CDK17: variants seen among roughly 807,000 people sequenced by gnomAD.
The protein encoded by CDK17 is cyclin-dependent kinase 17.
Under a neutral mutation model 77.6 loss-of-function variants are expected in CDK17, and 24 were observed. The ratio of observed to expected loss-of-function variants is 0.31; its 90% CI spans 0.22 to 0.44. CDK17 has a LOEUF of 0.44. CDK17 is among the 20% of genes least tolerant of loss of function. The pLI, the probability that CDK17 is intolerant of heterozygous loss-of-function variation, is 1.00. For synonymous variants in CDK17, 203 were observed against 210.4 expected, an observed-to-expected ratio of 0.96 and a Z score of 0.30; for missense variants, 429 against 622.5, an observed-to-expected ratio of 0.69 and a Z score of 3.31.
chr12:96,383,990 A>C (rs959765809), intron 1 of CDK17, among the ~76,000 whole-genome samples: 3 of 152,196 alleles, frequency 2.0e-5, no homozygotes, highest in Non-Finnish European at 4.4e-5. Context: ...GAATGGGAGA[A>C]AAGATTTGCA....
chr12:96,328,929 C>A (rs1289278318), intron 2 of CDK17, among the ~76,000 whole-genome samples: 3 of 152,182 alleles, frequency 2.0e-5, no homozygotes, highest in Non-Finnish European at 4.4e-5. Context: ...AATATTCTAA[C>A]ACTTCCAGAA....
At chr12:96,316,752 T>C (rs1462956570) in intron 3 of CDK17, among the ~76,000 whole-genome samples, 8 of 127,048 alleles carry the variant, frequency 6.3e-5, no homozygotes, top group African/African-American at 1.2e-4. Context: ...GGGTCCTGTC[T>C]GTTAGAAGGA....
intron 7 of CDK17, among the ~76,000 whole-genome samples, chr12:96,297,928 A>AT (rs1294074928): frequency 3.3e-5 from 5 of 150,588 alleles, no homozygotes; most frequent in African/African-American, 1.2e-4. Context: ...CAACAATGCT[A>AT]TTTAAAAAAA....
rs572708517 is a variant in CDK17, at chr12:96,337,777, A to G, written c.-29-2912T>C. 1.9e-3 allele frequency among the ~76,000 whole-genome samples: 288 copies of G among 152,250 alleles called. 3 individuals carry two copies. The highest frequency in any genetic ancestry group is 6.8e-3 in the Middle Eastern group (2 of 292). ...CTACCCTTTGTTTCTGTAAGACTTTACACTACTTTACACTAGAGACATCTT... is the reference window on the plus strand; with the variant it reads ...CTACCCTTTGTTTCTGTAAGACTTTGCACTACTTTACACTAGAGACATCTT... On this transcript the variant is annotated intron_variant, in intron 1 of 16. Transcript: ENST00000261211.
At chr12:96,284,833 G>A (rs907781393) in intron 13 of CDK17, among the ~76,000 whole-genome samples, 1 of 152,108 alleles carries the variant, frequency 6.6e-6, no homozygotes, top group Non-Finnish European at 1.5e-5. Flanking sequence ...CTAAAGTGCT[G>A]GGATTACAGG....
intron 3 of CDK17, among the ~76,000 whole-genome samples, chr12:96,316,294 C>T (rs1210577526): frequency 2.0e-5 from 3 of 152,040 alleles, no homozygotes; most frequent in Non-Finnish European, 4.4e-5. Flanking sequence ...ACACCTGGCT[C>T]GGAGGGTCCT....
chr12:96,290,026 A>C (rs1167623955), intron 10 of CDK17, among the ~76,000 whole-genome samples: 3 of 147,216 alleles, frequency 2.0e-5, no homozygotes, highest in Non-Finnish European at 4.5e-5. Context: ...CATGACCTTT[A>C]AAAAAAAAAA....
At chr12:96,342,753 T>G (rs1049017603) in intron 1 of CDK17, among the ~76,000 whole-genome samples, 4 of 151,984 alleles carry the variant, frequency 2.6e-5, no homozygotes, top group South Asian at 2.1e-4. Context: ...TCACCTGAGG[T>G]TGGGAGTTCA....
At chr12:96,300,264 A>C in intron 6 of CDK17, 40 bp downstream of exon 6, 1 of 1,370,640 alleles carries the variant, frequency 7.3e-7, no homozygotes, top group African/African-American at 1.5e-5. Context: ...ATGACGAATA[A>C]GAAAAAAATG....
At chr12:96,384,024 A>G (rs2137232707) in intron 1 of CDK17, among the ~76,000 whole-genome samples, 1 of 152,258 alleles carries the variant, frequency 6.6e-6, no homozygotes, top group Admixed American at 6.5e-5. Flanking sequence ...ACAAAGGACT[A>G]ATATTCAGAA....
chr12:96,370,376 G>C (rs1158716690), intron 1 of CDK17, among the ~76,000 whole-genome samples: 4 of 152,142 alleles, frequency 2.6e-5, no homozygotes, highest in Non-Finnish European at 2.9e-5. Flanking sequence ...TCCAATCAAA[G>C]CCTATGGCTC....
chr12:96,303,053 T>G (rs1027093656), intron 5 of CDK17: 7 of 152,200 alleles, frequency 4.6e-5, no homozygotes, highest in Non-Finnish European at 2.9e-5. Context: ...AATCTTTAAA[T>G]AAAATTTTTA....
chr12:96,291,585 C>A lies in CDK17; in HGVS notation c.998-2298G>T, dbSNP rs554486196. Among the ~76,000 whole-genome samples the A allele has an allele frequency of 6.6e-5, 10 of 152,000 alleles. No homozygotes were observed. The South Asian group carries it at 2.1e-3, about 32-fold the overall frequency. On this transcript the variant is annotated intron_variant, in intron 10 of 16. Transcript: ENST00000261211. ...GGATTACAGGTGTCAGCAACCGCAC[C>A]CAGCCAAAGGTAAATTTTTTATAGT... is the stretch of plus-strand genomic sequence containing the variant.
At chr12:96,318,985 C>A (rs1435204941) in intron 3 of CDK17, among the ~76,000 whole-genome samples, 1 of 147,668 alleles carries the variant, frequency 6.8e-6, no homozygotes, top group Admixed American at 6.8e-5. Context: ...CACAAAAAAC[C>A]CTTCAAAAAT....
chr12:96,302,377 T>C (rs1307829260), intron 5 of CDK17, among the ~76,000 whole-genome samples: 1 of 152,106 alleles, frequency 6.6e-6, no homozygotes, highest in Non-Finnish European at 1.5e-5. Flanking sequence ...TAAAAAAGGC[T>C]ACTTGCCAAG....
At chr12:96,365,448 T>C (rs1431128451) in intron 1 of CDK17, among the ~76,000 whole-genome samples, 2 of 152,268 alleles carry the variant, frequency 1.3e-5, no homozygotes, top group East Asian at 3.9e-4. Flanking sequence ...TAAGACAAAA[T>C]GCAAATCCTG....
At chr12:96,361,816 AC>A (rs1216934601) in intron 1 of CDK17, among the ~76,000 whole-genome samples, 1 of 152,206 alleles carries the variant, frequency 6.6e-6, no homozygotes, top group African/African-American at 2.4e-5. Flanking sequence ...TTATGTGAAA[AC>A]TTGAAACTCT....
chr12:96,300,226 A>T (rs1197395078), intron 6 of CDK17, 78 bp downstream of exon 6: 2 of 965,302 alleles, frequency 2.1e-6, no homozygotes, highest in East Asian at 4.8e-5. Context: ...TTCCAGGTTA[A>T]CAAAAACCGT....
intron 1 of CDK17, among the ~76,000 whole-genome samples, chr12:96,363,203 C>T (rs1396509866): frequency 6.6e-6 from 1 of 152,042 alleles, no homozygotes; most frequent in Non-Finnish European, 1.5e-5. Flanking sequence ...GTAATCCCAG[C>T]ACTTTGGGAG....
Sources: gnomAD v4.1 joint callset for allele counts (sites outside exome capture counted in the v4.1 genomes callset) on GRCh38, gnomAD v4.1.1 for gene constraint, MANE v1.5 for transcripts, NCBI Gene and HGNC (gene_info 2026-07-23, HGNC 2026-07-21) for gene names.